Variants in KIF16B observed in about 807,000 individuals in gnomAD.
The protein encoded by KIF16B is kinesin-like protein KIF16B.
A neutral mutation model predicts 156.3 loss-of-function variants in KIF16B; 98 were observed. That is an observed-to-expected ratio of 0.63 (90% CI 0.53 to 0.74). The LOEUF is 0.74. Ranked by LOEUF, KIF16B falls within the 30% of genes least tolerant of loss-of-function variation. The pLI, the probability that KIF16B is intolerant of heterozygous loss-of-function variation, is 0.00. For missense variants in KIF16B, 1,421 were observed against 1,606.5 expected (o/e 0.88, Z 1.97); for synonymous variants, 564 against 583.7 (o/e 0.97, Z 0.49).
At chr20:16,449,932 A>C (rs922013007) in intron 12 of KIF16B, among the ~76,000 whole-genome samples, 8 of 152,248 alleles carry the variant, frequency 5.3e-5, no homozygotes, top group African/African-American at 1.9e-4. Flanking sequence ...AACTATAAGA[A>C]TGAACAGCAG....
intron 25 of KIF16B, among the ~76,000 whole-genome samples, chr20:16,308,742 G>T (rs1423813669): frequency 6.6e-6 from 1 of 152,268 alleles, no homozygotes; most frequent in Non-Finnish European, 1.5e-5. Context: ...TGAAGCATAT[G>T]AAATTGCTGA....
intron 1 of KIF16B, among the ~76,000 whole-genome samples, chr20:16,567,122 T>C (rs1329348529): frequency 6.6e-6 from 1 of 152,202 alleles, no homozygotes; most frequent in African/African-American, 2.4e-5. Flanking sequence ...TAGGGGAGAC[T>C]TGGATTCAAA....
intron 12 of KIF16B, among the ~76,000 whole-genome samples, chr20:16,485,860 T>C (rs1260259345): frequency 6.6e-6 from 1 of 152,182 alleles, no homozygotes; most frequent in Non-Finnish European, 1.5e-5. Context: ...TCTCCACACA[T>C]ACACACATAT....
At chr20:16,492,489 C>T (rs928898686) in intron 12 of KIF16B, among the ~76,000 whole-genome samples, 2 of 152,198 alleles carry the variant, frequency 1.3e-5, no homozygotes, top group Non-Finnish European at 2.9e-5. Context: ...GCATGCATCA[C>T]ATTTTTCCCT....
intron 12 of KIF16B, among the ~76,000 whole-genome samples, chr20:16,492,924 G>A (rs1346282830): frequency 2.6e-5 from 4 of 151,986 alleles, no homozygotes; most frequent in African/African-American, 7.3e-5. Flanking sequence ...GGGCTTCAGG[G>A]GCTGAGGCAC....
intron 22 of KIF16B, chr20:16,367,474 T>A: frequency 6.2e-7 from 1 of 1,612,870 alleles, no homozygotes; most frequent in African/African-American, 1.3e-5. Context: ...AATGCGTGGA[T>A]AAAAAACACA....
chr20:16,520,361 A>C (rs1178331903), intron 3 of KIF16B, among the ~76,000 whole-genome samples: 1 of 152,106 alleles, frequency 6.6e-6, no homozygotes. Flanking sequence ...ATCCACCATT[A>C]CTGAGACTCG....
intron 1 of KIF16B, among the ~76,000 whole-genome samples, chr20:16,557,024 T>C (rs944556891): frequency 6.6e-6 from 1 of 151,904 alleles, no homozygotes; most frequent in Non-Finnish European, 1.5e-5. Flanking sequence ...GTGCTGTAAG[T>C]ACAAAATCAT....
At position 16,504,368 on chromosome 20, in the gene KIF16B, C is replaced by T. The variant is rs780167290; in HGVS notation, c.1176+4G>A. The T allele has an allele frequency of 5.0e-6, 8 of 1,612,850 alleles. No individual in the cohort carries two copies. Among genetic ancestry groups the T allele is most frequent in the Admixed American group, 1.7e-5 (1 of 59,844 alleles). On this transcript the variant is annotated splice_donor_region_variant and intron_variant, in intron 10 of 25. Transcript: ENST00000354981. ...ATTATCCATAAATCTCAGAAAAACC[C>T]AACCTGATTCCCTTGAGCAAGCAGC...
At chr20:16,450,869 T>C (rs2067061293) in intron 12 of KIF16B, among the ~76,000 whole-genome samples, 2 of 152,224 alleles carry the variant, frequency 1.3e-5, no homozygotes, top group Admixed American at 6.5e-5. Flanking sequence ...TGCCACTCTT[T>C]GAACACAGAT....
At chr20:16,445,036 A>C (rs2066895772) in intron 12 of KIF16B, among the ~76,000 whole-genome samples, 1 of 152,132 alleles carries the variant, frequency 6.6e-6, no homozygotes, top group African/African-American at 2.4e-5. Context: ...GGAAAAAGGG[A>C]AATACGAATA....
At chr20:16,398,166 C>T (rs2065559957) in intron 17 of KIF16B, among the ~76,000 whole-genome samples, 1 of 152,120 alleles carries the variant, frequency 6.6e-6, no homozygotes, top group Non-Finnish European at 1.5e-5. Flanking sequence ...ATGCTCAGCT[C>T]AAAAGAGGAA....
At chr20:16,444,318 G>T (rs948199943) in intron 12 of KIF16B, among the ~76,000 whole-genome samples, 1 of 152,070 alleles carries the variant, frequency 6.6e-6, no homozygotes, top group African/African-American at 2.4e-5. Context: ...AAGGCTGTCT[G>T]CCTGTTTTTG....
At chr20:16,467,200 G>A (rs2067515498) in intron 12 of KIF16B, among the ~76,000 whole-genome samples, 1 of 152,152 alleles carries the variant, frequency 6.6e-6, no homozygotes, top group African/African-American at 2.4e-5. Flanking sequence ...GATGGCCAGG[G>A]CAGGGAGAGG....
At chr20:16,458,419 C>A (rs1406965880) in intron 12 of KIF16B, among the ~76,000 whole-genome samples, 1 of 152,110 alleles carries the variant, frequency 6.6e-6, no homozygotes, top group Admixed American at 6.6e-5. Context: ...AAATCAAATT[C>A]TATTATAAAA....
At chr20:16,276,538 T>C (rs1159161815) in intron 25 of KIF16B, among the ~76,000 whole-genome samples, 1 of 152,230 alleles carries the variant, frequency 6.6e-6, no homozygotes, top group Non-Finnish European at 1.5e-5. Context: ...TTACATAGCC[T>C]GCTTCCTTGG....
chr20:16,573,093 G>T, intron 1 of KIF16B, 136 bp downstream of exon 1: 2 of 787,310 alleles, frequency 2.5e-6, no homozygotes, highest in South Asian at 1.7e-5. Flanking sequence ...GCCCCCAGAG[G>T]CCACAGCCTG....
intron 18 of KIF16B, among the ~76,000 whole-genome samples, chr20:16,381,398 T>C (rs538095376): frequency 1.0e-4 from 9 of 87,036 alleles, no homozygotes; most frequent in African/African-American, 4.6e-4. Flanking sequence ...TAAATTTAAA[T>C]GAATACATTT....
intron 1 of KIF16B, among the ~76,000 whole-genome samples, chr20:16,538,898 G>C (rs191123450): frequency 2.6e-4 from 39 of 152,140 alleles, no homozygotes; most frequent in African/African-American, 7.2e-4. Flanking sequence ...CTGTTTAAAA[G>C]TACATGACAC....
Sources: gnomAD v4.1 joint callset for allele counts (sites outside exome capture counted in the v4.1 genomes callset) on GRCh38, gnomAD v4.1.1 for gene constraint, MANE v1.5 for transcripts, NCBI Gene and HGNC (gene_info 2026-07-23, HGNC 2026-07-21) for gene names.